The following OXR1 variants were observed in gnomAD, a reference collection of about 807,000 sequenced individuals.
OXR1 encodes the protein oxidation resistance protein 1.
In OXR1, 41 loss-of-function variants were observed where a neutral mutation model predicts 104.6. The ratio of observed to expected loss-of-function variants is 0.39; its 90% CI spans 0.31 to 0.51. The LOEUF (loss-of-function observed/expected upper bound fraction) is 0.51. Among genes scored for constraint, OXR1 ranks in the 20% least tolerant of loss-of-function variants. OXR1 has a pLI of 0.77. For synonymous variants in OXR1, 348 were observed against 348.4 expected (o/e 1.00, Z 0.01); for missense variants, 955 against 1,031.9 (o/e 0.93, Z 1.02).
intron 2 of OXR1, among the ~76,000 whole-genome samples, chr8:106,486,387 G>A (rs1869308): frequency 0.11 from 16,398 of 152,102 alleles, 978 homozygotes; most frequent in African/African-American, 0.15. Flanking sequence ...GTGCATGTGT[G>A]TATTCTCTCA....
intron 3 of OXR1, among the ~76,000 whole-genome samples, chr8:106,566,671 G>A (rs964104203): frequency 3.3e-5 from 5 of 152,126 alleles, no homozygotes; most frequent in Non-Finnish European, 5.9e-5. Context: ...ACATGCACAC[G>A]CATGTTTATT....
intron 7 of OXR1, chr8:106,697,871 C>T (rs1830213630): frequency 1.2e-6 from 2 of 1,612,412 alleles, no homozygotes; most frequent in Admixed American, 1.7e-5. Context: ...TTCTCGCGTC[C>T]AGGCTGGGAC....
In OXR1 at chr8:106,745,833, C is replaced by T. The variant is rs760532885; in HGVS notation, c.2457C>T (p.Asp819=). Residue 819 remains aspartate, a synonymous_variant, in exon 16 of 17, where the codon GAC becomes GAT. Transcript: ENST00000517566. ...ATAATATGTTTTTTATCAAAGGAGA[C>T]ATGGATTCACTAGCTTTCGGTGGTG... ...TGDNMFFIKG[D]MDSLAFGGGG... 1.1e-5 allele frequency: 18 copies of T among 1,590,764 alleles called. No homozygotes were observed. The highest frequency in any genetic ancestry group is 1.6e-5 in the Non-Finnish European group (18 of 1,160,204).
At chr8:106,302,447 G>C (rs1004674624) in intron 1 of OXR1, among the ~76,000 whole-genome samples, 1 of 151,776 alleles carries the variant, frequency 6.6e-6, no homozygotes, top group African/African-American at 2.4e-5. Flanking sequence ...TAAGCCCGGC[G>C]TGGTGGCGGG....
intron 10 of OXR1, among the ~76,000 whole-genome samples, chr8:106,712,464 G>T (rs1229161923): frequency 6.6e-6 from 1 of 152,014 alleles, no homozygotes; most frequent in Non-Finnish European, 1.5e-5. Context: ...TTTAGTGAAA[G>T]CAGATAACAG....
intron 2 of OXR1, among the ~76,000 whole-genome samples, chr8:106,429,990 T>G (rs1203846844): frequency 2.0e-5 from 3 of 152,152 alleles, no homozygotes; most frequent in Admixed American, 2.0e-4. Flanking sequence ...TGATGTTCCC[T>G]TAACATGGAA....
intron 3 of OXR1, among the ~76,000 whole-genome samples, chr8:106,553,505 A>G (rs1275776226): frequency 2.6e-5 from 4 of 151,958 alleles, no homozygotes; most frequent in Non-Finnish European, 5.9e-5. Context: ...TGATTTCTAG[A>G]GACCAGGTTT....
chr8:106,706,333 A>C, intron 8 of OXR1, 49 bp from the exon 9 acceptor site: 1 of 1,389,566 alleles, frequency 7.2e-7, no homozygotes, highest in Non-Finnish European at 9.7e-7. Flanking sequence ...GAAAAGTAAA[A>C]TACCACAATT....
rs371815703 is a variant in OXR1, at chr8:106,617,496, A to C, written c.221-61714A>C. 1.1e-4 allele frequency among the ~76,000 whole-genome samples: 16 copies of C among 152,298 alleles called. No individual in the cohort carries two copies. The East Asian group carries it at 2.1e-3, about 20-fold the overall frequency. On this transcript the variant is annotated intron_variant, in intron 3 of 16. Transcript: ENST00000517566. Reference sequence around the variant, plus strand: ...ATTACTACTTTTATCCATTCTTTTAATTACTAAGCAGTTAGTGCTGTTGTG... The same window carrying C: ...ATTACTACTTTTATCCATTCTTTTACTTACTAAGCAGTTAGTGCTGTTGTG...
rs151248347 is a variant in OXR1, at chr8:106,540,004, AG to A, written c.220+20866del. On this transcript the variant is annotated intron_variant, in intron 3 of 16. Transcript: ENST00000517566. Reference sequence around the variant, plus strand: ...TTTATAAAATTGACTCAAATGGAAAAGTTAATATTTAAGAAATTTAAATATT... The same window carrying A: ...TTTATAAAATTGACTCAAATGGAAAATTAATATTTAAGAAATTTAAATATT... Among the ~76,000 whole-genome samples, 576 of 152,310 alleles carry A rather than the reference AG, an allele frequency of 3.8e-3. 4 individuals carry two copies. The highest frequency in any genetic ancestry group is 0.013 in the African/African-American group (538 of 41,582).
intron 5 of OXR1, 101 bp from the exon 6 acceptor site, chr8:106,684,145 T>G (rs1258042192): frequency 3.2e-6 from 2 of 628,392 alleles, no homozygotes; most frequent in African/African-American, 1.8e-5. Flanking sequence ...TTTATGTTTT[T>G]CTGTTTAATT....
intron 1 of OXR1, among the ~76,000 whole-genome samples, chr8:106,281,799 C>CAAAAAAAA (rs59515650): frequency 1.6e-5 from 1 of 62,938 alleles, no homozygotes; most frequent in Non-Finnish European, 3.3e-5. Flanking sequence ...GACTCTATCT[C>CAAAAAAAA]AAAAAAAAAA....
intron 3 of OXR1, among the ~76,000 whole-genome samples, chr8:106,528,705 G>A (rs954516341): frequency 6.6e-6 from 1 of 152,150 alleles, no homozygotes; most frequent in African/African-American, 2.4e-5. Context: ...TATAACAGGA[G>A]GTTAAAAAAT....
chr8:106,728,577 C>A (rs1833570569), intron 11 of OXR1, among the ~76,000 whole-genome samples: 1 of 152,142 alleles, frequency 6.6e-6, no homozygotes, highest in South Asian at 2.1e-4. Flanking sequence ...AACCTTTTGC[C>A]AGTTAGCTTC....
At position 106,326,305 on chromosome 8, in the gene OXR1, T is replaced by C. The variant is rs542385501; in HGVS notation, c.-138-33171T>C. ...ACAACCATGATGAGTGCAGGGATAC[T>C]CTGGTTAGGTAAATTTTCTCGTGTT... is the stretch of plus-strand genomic sequence containing the variant. On this transcript the variant is annotated intron_variant, in intron 1 of 16. Coordinates refer to ENST00000517566, the MANE Select transcript of OXR1 (RefSeq NM_001198533.2). Among the ~76,000 whole-genome samples the C allele has an allele frequency of 6.6e-5, 10 of 152,312 alleles. No homozygotes were observed. The South Asian group carries it at 1.9e-3, about 28-fold the overall frequency.
chr8:106,726,750 G>T (rs549925745), intron 11 of OXR1, among the ~76,000 whole-genome samples: 2 of 152,166 alleles, frequency 1.3e-5, no homozygotes, highest in Non-Finnish European at 2.9e-5. Context: ...TGACTAAAAG[G>T]TTTTTTAAGC....
intron 2 of OXR1, among the ~76,000 whole-genome samples, chr8:106,383,967 T>C (rs949902114): frequency 2.0e-5 from 3 of 152,158 alleles, no homozygotes; most frequent in Non-Finnish European, 4.4e-5. Context: ...TGAGCCTCTA[T>C]ACCTATTACA....
At chr8:106,488,918 G>C (rs1586710144) in intron 2 of OXR1, among the ~76,000 whole-genome samples, 1 of 151,474 alleles carries the variant, frequency 6.6e-6, no homozygotes, top group Non-Finnish European at 1.5e-5. Flanking sequence ...CTCTTTTTTG[G>C]TTCCATATGA....
intron 3 of OXR1, among the ~76,000 whole-genome samples, chr8:106,538,374 G>A (rs918958364): frequency 1.3e-5 from 2 of 152,018 alleles, no homozygotes; most frequent in South Asian, 2.1e-4. Context: ...TTAGCACAAC[G>A]CCTCTCTAAA....
Sources: allele counts gnomAD v4.1 joint callset (sites outside exome capture counted in the v4.1 genomes callset), GRCh38; gene constraint gnomAD v4.1.1; transcripts MANE v1.5; gene names NCBI Gene and HGNC (gene_info 2026-07-23, HGNC 2026-07-21).